SERPINB10: variants seen among roughly 807,000 people sequenced by gnomAD.
SERPINB10 encodes serpin B10.
In SERPINB10, 35 loss-of-function variants were observed where a neutral mutation model predicts 39.1. The ratio of observed to expected loss-of-function variants is 0.90; its 90% CI spans 0.68 to 1.19. The LOEUF (loss-of-function observed/expected upper bound fraction) is 1.19, where lower values mean the gene tolerates loss of function less well. Among genes scored for constraint, SERPINB10 ranks in the 50% most tolerant of loss-of-function variants. The probability of loss-of-function intolerance (pLI) is 0.00; values close to 1 mark genes in which losing one functional copy is unlikely to be tolerated. For synonymous variants in SERPINB10, 190 were observed against 158.1 expected (o/e 1.20, Z -1.52); for missense variants, 546 against 460.5 (o/e 1.19, Z -1.70).
chr18:63,926,627 C>T (rs1456585835), intron 5 of SERPINB10, among the ~76,000 whole-genome samples: 5 of 151,908 alleles, frequency 3.3e-5, no homozygotes, highest in Admixed American at 6.6e-5. Context: ...GGAAGTCTTT[C>T]TTAAAGGTGT....
At chr18:63,911,978 T>C (rs1255307308) in intron 1 of SERPINB10, among the ~76,000 whole-genome samples, 1 of 151,982 alleles carries the variant, frequency 6.6e-6, no homozygotes, top group African/African-American at 2.4e-5. Flanking sequence ...CCTCACTTTG[T>C]AGAGATCTTT....
chr18:63,914,988 T>C (rs1169558462), intron 1 of SERPINB10, among the ~76,000 whole-genome samples: 1 of 152,084 alleles, frequency 6.6e-6, no homozygotes, highest in East Asian at 1.9e-4. Flanking sequence ...TGTGCATGAT[T>C]CCATGTTTGC....
Position 63,915,647 on chromosome 18 carries a change from C to T in SERPINB10, c.137C>T (p.Ala46Val), listed in dbSNP as rs746037318. The T allele has an allele frequency of 7.4e-6, 12 of 1,611,376 alleles. No individual in the cohort carries two copies. The highest frequency in any genetic ancestry group is 1.0e-5 in the Non-Finnish European group (12 of 1,178,522). ...STSLTIVYLGAKGTTAAQMAQ... is the reference protein window; with the variant it reads ...STSLTIVYLGVKGTTAAQMAQ... ...TCCTTGACCATAGTGTATTTGGGCGCCAAAGGTACCACTGCAGCCCAAATG... is the reference window on the plus strand; with the variant it reads ...TCCTTGACCATAGTGTATTTGGGCGTCAAAGGTACCACTGCAGCCCAAATG... The change falls in exon 2 of 8, where the codon GCC becomes GTC. Residue 46 changes from alanine to valine, a missense_variant. By Grantham distance (64) the Ala-to-Val change is moderately conservative. Transcript: ENST00000238508.
At chr18:63,931,669 C>T (rs2050223182) in intron 6 of SERPINB10, among the ~76,000 whole-genome samples, 1 of 151,944 alleles carries the variant, frequency 6.6e-6, no homozygotes, top group Non-Finnish European at 1.5e-5. Flanking sequence ...CTCATATGTC[C>T]CCCCTTCAAC....
chr18:63,924,096 G>T (rs2050164361), intron 5 of SERPINB10, among the ~76,000 whole-genome samples: 1 of 151,916 alleles, frequency 6.6e-6, no homozygotes, highest in Non-Finnish European at 1.5e-5. Flanking sequence ...TGATGTTGGT[G>T]CTTCTCTCTC....
Position 63,908,051 on chromosome 18 carries a change from T to C in SERPINB10, c.-10+11T>C, listed in dbSNP as rs2050037961. 2 of 322,864 alleles carry C rather than the reference T, an allele frequency of 6.2e-6. No individual in the cohort carries two copies. The highest frequency in any genetic ancestry group is 5.1e-5 in the South Asian group (2 of 39,584). 20.0% of individuals were successfully genotyped at this position (322,864 alleles called of 1,614,324 possible). ...GTGGGAGAAAACAAGGTATTGTAAA[T>C]ATTTCTTTGGTTAATGATTTTATTT... On this transcript the variant is annotated intron_variant, in intron 1 of 7. Coordinates refer to ENST00000238508, the MANE Select transcript of SERPINB10 (RefSeq NM_005024.3).
rs1160532195 is a variant in SERPINB10, at chr18:63,933,126, G to C, written c.712G>C (p.Gly238Arg). The C allele has an allele frequency of 2.5e-6, 4 of 1,613,786 alleles. No homozygotes were observed. The South Asian group carries it at 4.4e-5, about 18-fold the overall frequency. Residue 238 changes from glycine (G) to arginine (R), a missense_variant, in exon 7 of 8, where the codon GGC becomes CGC. By Grantham distance (125) the Gly-to-Arg change is moderately radical. Coordinates refer to ENST00000238508, the MANE Select transcript of SERPINB10 (RefSeq NM_005024.3). Reference protein sequence around the residue: ...IFHIEKPKAVGLQLYYKSRDL... With the variant: ...IFHIEKPKAVRLQLYYKSRDL... ...TCACATAGAAAAGCCAAAAGCAGTG[G>C]GCCTTCAACTCTACTACAAAAGCCG... is the stretch of plus-strand genomic sequence containing the variant.
At chr18:63,908,846 T>C (rs2050044048) in intron 1 of SERPINB10, among the ~76,000 whole-genome samples, 1 of 152,080 alleles carries the variant, frequency 6.6e-6, no homozygotes, top group African/African-American at 2.4e-5. Context: ...ACTCTCCAGA[T>C]CTTCTTTCTC....
intron 5 of SERPINB10, among the ~76,000 whole-genome samples, chr18:63,927,389 AT>A (rs2050188656): frequency 6.6e-6 from 1 of 152,058 alleles, no homozygotes; most frequent in Non-Finnish European, 1.5e-5. Flanking sequence ...ATAACAAAAC[AT>A]CTTAGACTGG....
intron 6 of SERPINB10, among the ~76,000 whole-genome samples, chr18:63,930,698 A>C (rs914479468): frequency 6.6e-6 from 1 of 152,158 alleles, no homozygotes; most frequent in Admixed American, 6.5e-5. Context: ...ACAAGGACTT[A>C]AATGTTGTCA....
rs553300256 is a variant in SERPINB10 at position 63,933,312 on chromosome 18, A to G, written c.789+109A>G. On this transcript the variant is annotated intron_variant, in intron 7 of 7. Transcript: ENST00000238508. ...TGTCCTCAGGAAGAATGTTCTCCCT[A>G]TTATTTAATTCCTATAGAGAAAGGT... The G allele has an allele frequency of 7.5e-6, 9 of 1,199,394 alleles. No individual in the cohort carries two copies. The South Asian group carries it at 7.7e-5, about 10-fold the overall frequency. 74.3% of individuals were successfully genotyped at this position (1,199,394 alleles called of 1,614,324 possible).
chr18:63,920,502 C>T (rs1374431606), intron 5 of SERPINB10, among the ~76,000 whole-genome samples: 3 of 152,018 alleles, frequency 2.0e-5, no homozygotes, highest in Admixed American at 6.6e-5. Context: ...CTGCCATCCT[C>T]AATACATGGC....
intron 4 of SERPINB10, among the ~76,000 whole-genome samples, chr18:63,918,658 G>A (rs184754472): frequency 2.6e-5 from 4 of 152,128 alleles, no homozygotes; most frequent in African/African-American, 9.6e-5. Flanking sequence ...AGATAGGGTA[G>A]AAGAATAGCA....
At position 63,915,602 on chromosome 18, in the gene SERPINB10, C is replaced by T. The variant is rs578228782; in HGVS notation, c.92C>T (p.Ser31Phe). ...GCTCAGGGTAAAAATATCTTCTTTT[C>T]TTCCTGGAGCATCTCAACTTCCTTG... The part of the protein sequence containing the change: ...ESAQGKNIFF[S>F]SWSISTSLTI... The change falls in exon 2 of 8, where the codon TCT becomes TTT. Residue 31 changes from serine (S) to phenylalanine (F), a missense_variant. Coordinates refer to ENST00000238508, the MANE Select transcript of SERPINB10 (RefSeq NM_005024.3). 34 of 1,612,816 alleles carry T rather than the reference C, an allele frequency of 2.1e-5. No individual in the cohort carries two copies. In the East Asian group the frequency reaches 7.1e-4, roughly 34 times the overall value.
At chr18:63,923,538 G>A (rs1371083993) in intron 5 of SERPINB10, among the ~76,000 whole-genome samples, 2 of 151,890 alleles carry the variant, frequency 1.3e-5, no homozygotes, top group Non-Finnish European at 2.9e-5. Context: ...ACCTTCCCCA[G>A]AAGATTTTAG....
rs200867306 is a variant in SERPINB10, at chr18:63,931,667, T to TC, written c.634-1375dup. Among the ~76,000 whole-genome samples, 1,135 of 152,218 alleles carry TC rather than the reference T, an allele frequency of 7.5e-3. 14 individuals are homozygous for TC. Among genetic ancestry groups the TC allele is most frequent in the African/African-American group, 0.025 (1,045 of 41,532 alleles). On this transcript the variant is annotated intron_variant, in intron 6 of 7. Transcript: ENST00000238508. Reference sequence around the variant, plus strand: ...GCACGAAGTATAGGGCTCTCATATGTCCCCCCTTCAACACACACACAGTTT... The same window carrying TC: ...GCACGAAGTATAGGGCTCTCATATGTCCCCCCCTTCAACACACACACAGTTT...
At position 63,935,188 on chromosome 18, in the gene SERPINB10, C is replaced by T; in HGVS notation, c.1140C>T (p.Ile380=). The T allele has an allele frequency of 2.5e-6, 4 of 1,611,408 alleles. No individual in the cohort carries two copies. The highest frequency in any genetic ancestry group is 3.4e-6 in the Non-Finnish European group (4 of 1,179,356). ...FNANHPFLFF[I]RHNKTNTILF... is the part of the protein sequence containing the mutation. ...CAAATCACCCATTCCTCTTCTTCATCAGGCACAATAAAACCAACACCATTC... is the reference window on the plus strand; with the variant it reads ...CAAATCACCCATTCCTCTTCTTCATTAGGCACAATAAAACCAACACCATTC... The change falls in exon 8 of 8, where the codon ATC becomes ATT. Residue 380 remains isoleucine, a synonymous_variant. Coordinates refer to ENST00000238508, the MANE Select transcript of SERPINB10 (RefSeq NM_005024.3).
Position 63,919,236 on chromosome 18 carries a change from A to ATTTTTTTTTT in SERPINB10, c.373-547_373-538dup, listed in dbSNP as rs397969917. ...AGGACCAGGAGGAGGTGAAGGCCTC[A>ATTTTTTTTTT]TTTTTTTTTTTTTTGCCTCAGAATG... On this transcript the variant is annotated intron_variant, in intron 4 of 7. Coordinates refer to ENST00000238508, the MANE Select transcript of SERPINB10 (RefSeq NM_005024.3). Among the ~76,000 whole-genome samples the ATTTTTTTTTT allele has an allele frequency of 1.6e-4, 23 of 142,860 alleles. 4 individuals carry two copies. Among genetic ancestry groups the ATTTTTTTTTT allele is most frequent in the African/African-American group, 3.6e-4 (14 of 38,896 alleles). 93.7% of individuals were successfully genotyped at this position (142,860 alleles called of 152,430 possible).
chr18:63,926,729 G>A (rs949729548), intron 5 of SERPINB10, among the ~76,000 whole-genome samples: 1 of 151,990 alleles, frequency 6.6e-6, no homozygotes, highest in African/African-American at 2.4e-5. Context: ...GCAAGGTCTT[G>A]TATTGATTTC....
Sources: allele counts gnomAD v4.1 joint callset (sites outside exome capture counted in the v4.1 genomes callset), GRCh38; gene constraint gnomAD v4.1.1; transcripts MANE v1.5; gene names NCBI Gene and HGNC (gene_info 2026-07-23, HGNC 2026-07-21).